The following IL1RAPL1 variants were observed in gnomAD, a reference collection of about 807,000 sequenced individuals.
IL1RAPL1 encodes interleukin-1 receptor accessory protein-like 1.
A neutral mutation model predicts 48.4 loss-of-function variants in IL1RAPL1; 3 were observed. The ratio of observed to expected loss-of-function variants is 0.06; its 90% CI spans 0.03 to 0.16. IL1RAPL1 has a LOEUF of 0.16. IL1RAPL1 is among the 10% of genes least tolerant of loss of function. The probability of loss-of-function intolerance (pLI) is 1.00; values close to 1 mark genes in which losing one functional copy is unlikely to be tolerated. For synonymous variants in IL1RAPL1, 185 were observed against 187.7 expected, an observed-to-expected ratio of 0.99 and a Z score of 0.12; for missense variants, 349 against 530.6, an observed-to-expected ratio of 0.66 and a Z score of 3.36.
intron 1 of IL1RAPL1, among the ~76,000 whole-genome samples, chrX:28,683,539 G>A (rs1935082807): frequency 9.0e-6 from 1 of 111,351 alleles, no homozygotes; most frequent in South Asian, 3.8e-4. Flanking sequence ...TTATAACCCC[G>A]CGGGCTAGAA....
intron 5 of IL1RAPL1, among the ~76,000 whole-genome samples, chrX:29,587,853 T>A (rs1429748425): frequency 8.9e-6 from 1 of 112,147 alleles, no homozygotes; most frequent in African/African-American, 3.2e-5. Flanking sequence ...TGCTTTTGTG[T>A]CCTGCATGTG....
At chrX:29,661,728 C>G (rs781375621) in intron 5 of IL1RAPL1, among the ~76,000 whole-genome samples, 10 of 112,119 alleles carry the variant, frequency 8.9e-5, no homozygotes, top group Non-Finnish European at 1.3e-4. Context: ...AATGGTACCA[C>G]CATTCATGTG....
At chrX:28,968,664 TAATA>T (rs1323355338) in intron 2 of IL1RAPL1, among the ~76,000 whole-genome samples, 2 of 112,610 alleles carry the variant, frequency 1.8e-5, no homozygotes, top group African/African-American at 6.4e-5. Flanking sequence ...TTCAAATATA[TAATA>T]AATATGGAAG....
intron 2 of IL1RAPL1, among the ~76,000 whole-genome samples, chrX:28,874,963 C>G (rs1368888891): frequency 2.7e-5 from 3 of 111,764 alleles, no homozygotes; most frequent in Non-Finnish European, 3.8e-5. Context: ...ATGTTGATTT[C>G]TCTACTTATT....
At chrX:29,861,889 C>G (rs1416845089) in intron 6 of IL1RAPL1, among the ~76,000 whole-genome samples, 4 of 110,874 alleles carry the variant, frequency 3.6e-5, no homozygotes, top group African/African-American at 1.3e-4. Context: ...AATAAACACA[C>G]TCACTGAAAC....
chrX:29,918,102 AAC>A (rs1385854363), intron 7 of IL1RAPL1, among the ~76,000 whole-genome samples: 1 of 75,788 alleles, frequency 1.3e-5, no homozygotes, highest in Non-Finnish European at 2.5e-5. Context: ...CAGCCTGAAC[AAC>A]AGAGTGAGAC....
intron 2 of IL1RAPL1, among the ~76,000 whole-genome samples, chrX:29,173,279 T>G (rs1322837129): frequency 1.8e-5 from 2 of 112,025 alleles, no homozygotes; most frequent in Admixed American, 1.9e-4. Context: ...AATAAACACT[T>G]AAATAAAGTA....
intron 1 of IL1RAPL1, among the ~76,000 whole-genome samples, chrX:28,667,139 G>T (rs994109234): frequency 9.0e-6 from 1 of 111,532 alleles, no homozygotes; most frequent in Non-Finnish European, 1.9e-5. Flanking sequence ...AAAATTCCAA[G>T]CAAGTGAATG....
chrX:29,539,021 C>G (rs1353376454), intron 5 of IL1RAPL1, among the ~76,000 whole-genome samples: 2 of 111,002 alleles, frequency 1.8e-5, no homozygotes, highest in Non-Finnish European at 3.8e-5. Flanking sequence ...TCCAAAAAAT[C>G]AAGGAGGAAG....
rs1199574828 is a variant in IL1RAPL1 at position 28,853,499 on chromosome X, A to G, written c.82+64074A>G. 1.2e-3 allele frequency among the ~76,000 whole-genome samples: 132 copies of G among 109,494 alleles called. 1 individual carries two copies. Among genetic ancestry groups the G allele is most frequent in the African/African-American group, 4.3e-3 (128 of 29,560 alleles). On this transcript the variant is annotated intron_variant, in intron 2 of 10. Transcript: ENST00000378993. ...AGTGCATGTGTGTGCGCGCGCACAC[A>G]CACACACACACACTCTCACTCATGC...
chrX:28,606,850 A>G (rs888628571), intron 1 of IL1RAPL1, among the ~76,000 whole-genome samples: 1 of 111,453 alleles, frequency 9.0e-6, no homozygotes, highest in Non-Finnish European at 1.9e-5. Flanking sequence ...AGAGTTCAAC[A>G]TGTTTAACAT....
chrX:28,891,292 G>A lies in IL1RAPL1; in HGVS notation c.82+101867G>A, dbSNP rs370101672. On this transcript the variant is annotated intron_variant, in intron 2 of 10. Transcript: ENST00000378993. ...TGTCTAATCCAGTCACTGGAACTATGTATAATACAGACTTGACTTAAAAAT... is the reference window on the plus strand; with the variant it reads ...TGTCTAATCCAGTCACTGGAACTATATATAATACAGACTTGACTTAAAAAT... 1.0e-3 allele frequency among the ~76,000 whole-genome samples: 112 copies of A among 111,963 alleles called. No homozygotes were observed. In the Middle Eastern group the frequency reaches 0.014, roughly 14 times the overall value.
At chrX:29,639,185 C>CAAAAAAA (rs57219766) in intron 5 of IL1RAPL1, among the ~76,000 whole-genome samples, 1 of 53,300 alleles carries the variant, frequency 1.9e-5, no homozygotes, top group African/African-American at 6.0e-5. Context: ...GACTCCGTCT[C>CAAAAAAA]AAAAAAAAAA....
At chrX:28,630,123 A>G (rs1262302472) in intron 1 of IL1RAPL1, among the ~76,000 whole-genome samples, 2 of 111,456 alleles carry the variant, frequency 1.8e-5, no homozygotes, top group African/African-American at 6.5e-5. Flanking sequence ...GATAGGTTTC[A>G]AGGCACACTT....
intron 8 of IL1RAPL1, among the ~76,000 whole-genome samples, chrX:29,940,126 G>T (rs183324787): frequency 4.5e-5 from 5 of 111,186 alleles, no homozygotes; most frequent in Admixed American, 9.5e-5. Context: ...GCCTCCCAAA[G>T]TGCTGGGATT....
In IL1RAPL1 at chrX:29,311,816, C is replaced by T. The variant is rs192868903; in HGVS notation, c.362+28599C>T. On this transcript the variant is annotated intron_variant, in intron 3 of 10. Transcript: ENST00000378993. ...GAGAAGAACATTAGGGTACACTTTT[C>T]AAAAATTTTATATTATTAATAAAAA... Among the ~76,000 whole-genome samples the T allele has an allele frequency of 4.1e-3, 459 of 111,539 alleles. 1 individual carries two copies. Among genetic ancestry groups the T allele is most frequent in the African/African-American group, 0.014 (421 of 30,728 alleles).
At chrX:29,248,219 C>T (rs1231824085) in intron 2 of IL1RAPL1, among the ~76,000 whole-genome samples, 4 of 111,246 alleles carry the variant, frequency 3.6e-5, no homozygotes, top group Admixed American at 9.6e-5. Context: ...AGTTTGAGAC[C>T]AGCCTGGCCA....
At chrX:28,630,222 T>C (rs748820855) in intron 1 of IL1RAPL1, among the ~76,000 whole-genome samples, 1 of 111,492 alleles carries the variant, frequency 9.0e-6, no homozygotes, top group African/African-American at 3.3e-5. Flanking sequence ...CTTTCACTAA[T>C]CTGGGCTTTA....
chrX:29,785,092 T>C (rs1485556483), intron 6 of IL1RAPL1, among the ~76,000 whole-genome samples: 1 of 112,166 alleles, frequency 8.9e-6, no homozygotes, highest in Non-Finnish European at 1.9e-5. Flanking sequence ...GAAATCAGTT[T>C]ATGGAAGCTG....
Sources: gnomAD v4.1 joint callset for allele counts (sites outside exome capture counted in the v4.1 genomes callset) on GRCh38, gnomAD v4.1.1 for gene constraint, MANE v1.5 for transcripts, NCBI Gene and HGNC (gene_info 2026-07-23, HGNC 2026-07-21) for gene names.